TMEM175: variants seen among roughly 807,000 people sequenced by gnomAD.
TMEM175 encodes transmembrane protein 175.
TMEM175 carries 36 observed loss-of-function variants against 36.5 expected under a neutral mutation model. That is an observed-to-expected ratio of 0.99 (90% CI 0.76 to 1.30). The LOEUF (loss-of-function observed/expected upper bound fraction) is 1.30, where lower values mean the gene tolerates loss of function less well. TMEM175 is among the 50% of genes most tolerant of loss of function. The pLI is 0.00. For synonymous variants in TMEM175, 339 were observed against 313.4 expected (o/e 1.08, Z -0.86); for missense variants, 705 against 692.8 (o/e 1.02, Z -0.20).
intron 7 of TMEM175, 30 bp downstream of exon 7, chr4:952,480 G>T: frequency 8.0e-6 from 1 of 125,030 alleles, no homozygotes. Context: ...TGCACTGTGT[G>T]TGTGTGTGTG....
Position 958,439 on chromosome 4 carries a change from G to A in TMEM175, c.1458G>A (p.Pro486=), listed in dbSNP as rs534540768. The A allele has an allele frequency of 3.0e-5, 48 of 1,589,276 alleles. No individual in the cohort carries two copies. The highest frequency in any genetic ancestry group is 1.5e-4 in the African/African-American group (11 of 74,606). Residue 486 remains proline (P), a synonymous_variant, in exon 11 of 11, where the codon CCG becomes CCA. Coordinates refer to ENST00000264771, the MANE Select transcript of TMEM175 (RefSeq NM_032326.4). ...GCCTCGCCCGGCCCGAACACCCCCC[G>A]CCAGCCCCCACGGGCCAGGACGACC... ...LRGLARPEHP[P]PAPTGQDDPQ...
chr4:950,521 G>A lies in TMEM175; in HGVS notation c.290+3G>A. On this transcript the variant is annotated splice_donor_region_variant and intron_variant, in intron 4 of 10. Coordinates refer to ENST00000264771, the MANE Select transcript of TMEM175 (RefSeq NM_032326.4). ...GTGGCCTGGGCAGCACACACAAGGT[G>A]GGGGCCCGGGCGCTTCCAGCGGTCC... 7 of 1,612,512 alleles carry A rather than the reference G, an allele frequency of 4.3e-6. No individual in the cohort carries two copies. The highest frequency in any genetic ancestry group is 5.1e-6 in the Non-Finnish European group (6 of 1,178,760).
chr4:958,012 T>G lies in TMEM175; in HGVS notation c.1031T>G (p.Leu344Arg), dbSNP rs1424915974. The change falls in exon 11 of 11, where the codon CTG becomes CGG. Residue 344 changes from leucine to arginine, a missense_variant. Transcript: ENST00000264771. ...AAGGCCACGCGGGCCATGGGGCTGC[T>G]GAACACGCTCTCGCTGGCCTTCGTG... ...VRKATRAMGL[L>R]NTLSLAFVGG... 3 of 1,612,518 alleles carry G rather than the reference T, an allele frequency of 1.9e-6. No homozygotes were observed. The South Asian group carries it at 3.3e-5, about 18-fold the overall frequency.
At chr4:950,783 GGCGGAGGT>G (rs1577425824) in intron 4 of TMEM175, among the ~76,000 whole-genome samples, 3 of 148,370 alleles carry the variant, frequency 2.0e-5, no homozygotes, top group African/African-American at 7.6e-5. Context: ...TGGTGCAGTA[GGCGGAGGT>G]GTGGATGGTG....
intron 1 of TMEM175, among the ~76,000 whole-genome samples, chr4:946,685 G>A (rs1728179502): frequency 6.6e-6 from 1 of 152,214 alleles, no homozygotes; most frequent in Non-Finnish European, 1.5e-5. Context: ...TGCCTGGGGA[G>A]TGCTGTGCTG....
At chr4:942,743 G>T (rs1433809816) in intron 1 of TMEM175, among the ~76,000 whole-genome samples, 1 of 151,782 alleles carries the variant, frequency 6.6e-6, no homozygotes, top group South Asian at 2.1e-4. Flanking sequence ...AGGTTCAAGC[G>T]ATTCTCTTGC....
chr4:935,665 T>A (rs1726705976), intron 1 of TMEM175, among the ~76,000 whole-genome samples: 1 of 152,206 alleles, frequency 6.6e-6, no homozygotes, highest in Non-Finnish European at 1.5e-5. Context: ...TCAGCCAACT[T>A]GACCTAATGA....
chr4:940,968 T>C (rs1037906008), intron 1 of TMEM175, among the ~76,000 whole-genome samples: 2 of 150,862 alleles, frequency 1.3e-5, no homozygotes, highest in African/African-American at 4.9e-5. Flanking sequence ...ATTGTGCCAC[T>C]GCACTCCAGC....
rs369603890 is a variant in TMEM175 at position 935,555 on chromosome 4, A to C, written c.-32+3015A>C. ...CATAAACTAATAGCTGCAAGGAGAGAGAAAAATCACAATTGTAGTTGGAGA... is the reference window on the plus strand; with the variant it reads ...CATAAACTAATAGCTGCAAGGAGAGCGAAAAATCACAATTGTAGTTGGAGA... On this transcript the variant is annotated intron_variant, in intron 1 of 10. Transcript: ENST00000264771. 3.9e-5 allele frequency among the ~76,000 whole-genome samples: 6 copies of C among 152,370 alleles called. No individual in the cohort carries two copies. In the East Asian group the frequency reaches 1.2e-3, roughly 29 times the overall value.
rs770367283 is a variant in TMEM175 at position 947,794 on chromosome 4, C to G, written c.55C>G (p.Pro19Ala). The change falls in exon 2 of 11, where the codon CCA becomes GCA. Residue 19 changes from proline (P) to alanine (A), a missense_variant. Coordinates refer to ENST00000264771, the MANE Select transcript of TMEM175 (RefSeq NM_032326.4). ...QALDTPGDCP[P>A]GRRDEDAGEG... ...ACTGGATACACCGGGGGACTGCCCC[C>G]CAGGCAGGAGAGACGAGGACGCTGG... 8.1e-6 allele frequency: 13 copies of G among 1,612,908 alleles called. No homozygotes were observed. The East Asian group carries it at 8.9e-5, about 11-fold the overall frequency.
intron 1 of TMEM175, among the ~76,000 whole-genome samples, chr4:943,956 A>G (rs1247933695): frequency 1.3e-5 from 2 of 152,200 alleles, no homozygotes; most frequent in Non-Finnish European, 2.9e-5. Flanking sequence ...AGCTAGACTC[A>G]AAACCTCTGG....
intron 1 of TMEM175, among the ~76,000 whole-genome samples, chr4:946,303 C>T (rs1728135399): frequency 1.3e-5 from 2 of 152,270 alleles, no homozygotes; most frequent in Admixed American, 1.3e-4. Flanking sequence ...TGCTCCGGGG[C>T]ACCTGGCTGC....
rs370733715 is a variant in TMEM175 at position 955,795 on chromosome 4, G to A, written c.747G>A (p.Ser249=). 62 of 1,613,292 alleles carry A rather than the reference G, an allele frequency of 3.8e-5. No homozygotes were observed. Among genetic ancestry groups the A allele is most frequent in the African/African-American group, 1.2e-4 (9 of 74,888 alleles). The change falls in exon 10 of 11, where the codon TCG becomes TCA. Residue 249 remains serine (S), a synonymous_variant. Transcript: ENST00000264771. ...EPSAHPVEVF[S]FDLHEPLSKE... ...CGGCTCACCCAGTGGAAGTCTTCTC[G>A]TTTGACCTCCACGAGCCACTCAGCA...
chr4:956,147 G>A (rs188808069), intron 10 of TMEM175: 89 of 678,748 alleles, frequency 1.3e-4, no homozygotes, highest in Middle Eastern at 3.4e-4. Flanking sequence ...GTGCCAGGGT[G>A]AGGTCAGCAC....
chr4:952,245 A>G, intron 6 of TMEM175, 122 bp from the exon 7 acceptor site: 2 of 848,626 alleles, frequency 2.4e-6, no homozygotes. Context: ...CCATCCTGTG[A>G]TGGCCCCACC....
chr4:955,780 A>T lies in TMEM175; in HGVS notation c.732A>T (p.Pro244=). 6.2e-7 allele frequency: 1 copy of T among 1,613,370 alleles called. No homozygotes were observed. Among genetic ancestry groups the T allele is most frequent in the Non-Finnish European group, 8.5e-7 (1 of 1,179,862 alleles). ...LLGHREPSAH[P]VEVFSFDLHE... Reference sequence around the variant, plus strand: ...GCCACAGGGAGCCCTCGGCTCACCCAGTGGAAGTCTTCTCGTTTGACCTCC... The same window carrying T: ...GCCACAGGGAGCCCTCGGCTCACCCTGTGGAAGTCTTCTCGTTTGACCTCC... The change falls in exon 10 of 11, where the codon CCA becomes CCT. Residue 244 remains proline (P), a synonymous_variant. Coordinates refer to ENST00000264771, the MANE Select transcript of TMEM175 (RefSeq NM_032326.4).
chr4:948,687 T>G (rs1577417282), intron 3 of TMEM175: 1 of 1,203,040 alleles, frequency 8.3e-7, no homozygotes, highest in East Asian at 5.8e-5. Flanking sequence ...AAACAGCATC[T>G]TAGAAGGGGA....
chr4:949,909 C>G (rs1278003326), intron 3 of TMEM175, among the ~76,000 whole-genome samples: 1 of 152,188 alleles, frequency 6.6e-6, no homozygotes, highest in African/African-American at 2.4e-5. Context: ...GGACGCCTCA[C>G]AGGGATGGCG....
In TMEM175 at chr4:952,249, C is replaced by G. The variant is rs1029863902; in HGVS notation, c.379-118C>G. ...CCCAGCTGGCGCCATCCTGTGATGG[C>G]CCCACCGCATCTCCCAGCGTCCCGT... On this transcript the variant is annotated intron_variant, in intron 6 of 10. Coordinates refer to ENST00000264771, the MANE Select transcript of TMEM175 (RefSeq NM_032326.4). 4 of 887,758 alleles carry G rather than the reference C, an allele frequency of 4.5e-6. No individual in the cohort carries two copies. The African/African-American group carries it at 6.6e-5, about 15-fold the overall frequency. 55.0% of individuals were successfully genotyped at this position (887,758 alleles called of 1,614,324 possible). A position where few individuals can be genotyped will look rare whatever the true frequency, so the allele number is the denominator to read the frequency against.
Sources: gnomAD v4.1 joint callset for allele counts (sites outside exome capture counted in the v4.1 genomes callset) on GRCh38, gnomAD v4.1.1 for gene constraint, MANE v1.5 for transcripts, NCBI Gene and HGNC (gene_info 2026-07-23, HGNC 2026-07-21) for gene names.